The following KIAA1217 variants were observed in gnomAD, a reference collection of about 807,000 sequenced individuals.
KIAA1217 encodes sickle tail protein homolog.
A neutral mutation model predicts 163.9 loss-of-function variants in KIAA1217; 88 were observed. That is an observed-to-expected ratio of 0.54 (90% CI 0.45 to 0.64). The LOEUF (loss-of-function observed/expected upper bound fraction) is 0.64. Among genes scored for constraint, KIAA1217 ranks in the 30% least tolerant of loss-of-function variants. KIAA1217 has a pLI of 0.00. For missense variants in KIAA1217, 2,372 were observed against 2,475.0 expected (o/e 0.96, Z 0.88); for synonymous variants, 903 against 923.1 (o/e 0.98, Z 0.39).
At chr10:24,532,901 A>G (rs2073339201) in intron 15 of KIAA1217, among the ~76,000 whole-genome samples, 169 bp from the exon 16 acceptor site, 1 of 152,220 alleles carries the variant, frequency 6.6e-6, no homozygotes, top group Non-Finnish European at 1.5e-5. Context: ...AACTTATGCA[A>G]ACACAAATAC....
At chr10:24,110,759 A>G (rs1301991980) in intron 2 of KIAA1217, among the ~76,000 whole-genome samples, 1 of 152,270 alleles carries the variant, frequency 6.6e-6, no homozygotes, top group Non-Finnish European at 1.5e-5. Flanking sequence ...AGTGCTCATT[A>G]TGCCAGTAAA....
At chr10:23,792,754 G>A (rs1005290356) in intron 1 of KIAA1217, among the ~76,000 whole-genome samples, 2 of 151,468 alleles carry the variant, frequency 1.3e-5, no homozygotes, top group South Asian at 2.1e-4. Context: ...CACCTGTCTC[G>A]GCCTCCCAAA....
chr10:23,917,426 C>T (rs1344220455), intron 1 of KIAA1217, among the ~76,000 whole-genome samples: 4 of 152,118 alleles, frequency 2.6e-5, no homozygotes, highest in East Asian at 3.9e-4. Flanking sequence ...TCTGTGAATA[C>T]TTGGCAGCAA....
chr10:24,523,804 G>A (rs568446636), intron 12 of KIAA1217, among the ~76,000 whole-genome samples: 1 of 152,278 alleles, frequency 6.6e-6, no homozygotes, highest in East Asian at 1.9e-4. Context: ...GGGACATATA[G>A]CTTCAAATGA....
chr10:24,473,340 C>T lies in KIAA1217; in HGVS notation c.959C>T (p.Pro320Leu). Residue 320 changes from proline to leucine, a missense_variant, in exon 6 of 21, where the codon CCC (proline) becomes CTC (leucine). Transcript: ENST00000376454. Reference protein sequence around the residue: ...IPNSPPSTPVPHSMPPSPSRI... With the variant: ...IPNSPPSTPVLHSMPPSPSRI... ...AATTCCCCACCGTCTACTCCAGTGC[C>T]CCATTCCATGCCCCCCTCCCCGTCC... The T allele has an allele frequency of 6.3e-7, 1 of 1,595,762 alleles. No individual in the cohort carries two copies. The highest frequency in any genetic ancestry group is 8.5e-7 in the Non-Finnish European group (1 of 1,170,730).
chr10:24,534,773 C>T (rs1008791372), intron 16 of KIAA1217, among the ~76,000 whole-genome samples: 4 of 150,118 alleles, frequency 2.7e-5, no homozygotes, highest in African/African-American at 4.9e-5. Flanking sequence ...CCCAGCTACT[C>T]GGGAGGCTGA....
intron 1 of KIAA1217, among the ~76,000 whole-genome samples, chr10:23,978,964 C>T (rs1480474710): frequency 6.6e-6 from 1 of 152,030 alleles, no homozygotes; most frequent in Non-Finnish European, 1.5e-5. Context: ...ATTATTCCTA[C>T]TTGCATGTCA....
At chr10:24,268,392 G>A (rs2076438831) in intron 2 of KIAA1217, among the ~76,000 whole-genome samples, 1 of 151,836 alleles carries the variant, frequency 6.6e-6, no homozygotes, top group South Asian at 2.1e-4. Context: ...TCAAAAAGTG[G>A]GCAAAGGACA....
At chr10:24,062,759 T>C (rs1414860202) in intron 2 of KIAA1217, among the ~76,000 whole-genome samples, 1 of 152,036 alleles carries the variant, frequency 6.6e-6, no homozygotes, top group African/African-American at 2.4e-5. Context: ...CCACCAACAA[T>C]GTAAAAGTGT....
intron 2 of KIAA1217, among the ~76,000 whole-genome samples, chr10:24,358,059 G>T (rs552417937): frequency 6.6e-6 from 1 of 152,364 alleles, no homozygotes; most frequent in Admixed American, 6.5e-5. Flanking sequence ...AGACTCCCAA[G>T]AACCAATGCC....
chr10:24,364,055 C>T (rs220337), intron 2 of KIAA1217, among the ~76,000 whole-genome samples: 48,604 of 151,046 alleles, frequency 0.32, 7,984 homozygotes, highest in South Asian at 0.44. Flanking sequence ...CTTGGCTCGC[C>T]GCAACCTCCG....
At chr10:24,353,291 G>A (rs1350448711) in intron 2 of KIAA1217, among the ~76,000 whole-genome samples, 1 of 152,024 alleles carries the variant, frequency 6.6e-6, no homozygotes, top group African/African-American at 2.4e-5. Flanking sequence ...ACTATATTTT[G>A]TTTGTTACAA....
At chr10:24,292,794 G>T (rs2079219018) in intron 2 of KIAA1217, among the ~76,000 whole-genome samples, 1 of 152,096 alleles carries the variant, frequency 6.6e-6, no homozygotes, top group East Asian at 1.9e-4. Context: ...TGAGTGAGAG[G>T]CACTGCAAAG....
In KIAA1217 at chr10:23,887,661, A is replaced by G. The variant is rs12255893; in HGVS notation, c.-320-119564A>G. 8.4e-3 allele frequency among the ~76,000 whole-genome samples: 1,279 copies of G among 151,992 alleles called. 23 individuals are homozygous for G. Among genetic ancestry groups the G allele is most frequent in the African/African-American group, 0.03 (1,228 of 41,520 alleles). On this transcript the variant is annotated intron_variant, in intron 1 of 18. Coordinates refer to the KIAA1217 transcript ENST00000376462. ...AAATCTAACTTGTTGGGCTTTCGTG[A>G]CAATCCAGATGTGATTACCCTTTGA... is the stretch of plus-strand genomic sequence containing the variant.
Position 24,495,196 on chromosome 10 carries a change from GGTAA to G in KIAA1217, c.1834+7_1834+10del. The G allele has an allele frequency of 3.7e-6, 6 of 1,611,836 alleles. No individual in the cohort carries two copies. Among genetic ancestry groups the G allele is most frequent in the Non-Finnish European group, 5.1e-6 (6 of 1,179,194 alleles). On this transcript the variant is annotated splice_donor_variant and splice_donor_region_variant and intron_variant, in intron 8 of 20. Transcript: ENST00000376454. LOFTEE classifies it high-confidence loss of function. Reference sequence around the variant, plus strand: ...CAACAGGAACCACACAGATAGTGCAGGTAAGTAAGTGTTTTTGGAGCTGTAGGAG... The same window carrying G: ...CAACAGGAACCACACAGATAGTGCAGGTAAGTGTTTTTGGAGCTGTAGGAG...
At chr10:24,115,116 C>T (rs940223003) in intron 2 of KIAA1217, among the ~76,000 whole-genome samples, 4 of 152,182 alleles carry the variant, frequency 2.6e-5, no homozygotes, top group Admixed American at 1.3e-4. Context: ...CTGAAGTTAG[C>T]CTGTGTATAC....
chr10:24,233,649 A>G (rs2071763445), intron 2 of KIAA1217, among the ~76,000 whole-genome samples: 1 of 152,208 alleles, frequency 6.6e-6, no homozygotes, highest in South Asian at 2.1e-4. Flanking sequence ...TAAAATTCTT[A>G]CTTTTAAATT....
At chr10:23,913,174 C>T (rs905427615) in intron 1 of KIAA1217, among the ~76,000 whole-genome samples, 2 of 152,190 alleles carry the variant, frequency 1.3e-5, no homozygotes, top group African/African-American at 4.8e-5. Flanking sequence ...GGAGACCTTG[C>T]TTTGACTGAG....
In KIAA1217 at chr10:23,931,549, T is replaced by C. The variant is rs563861009; in HGVS notation, c.-320-75676T>C. Among the ~76,000 whole-genome samples, 5 of 152,298 alleles carry C rather than the reference T, an allele frequency of 3.3e-5. No homozygotes were observed. The South Asian group carries it at 1.0e-3, about 32-fold the overall frequency. Reference sequence around the variant, plus strand: ...TCCTTGAAATAGGAATTATGTCTAATAATCTTCCTGCACCCTCCCAATGCC... The same window carrying C: ...TCCTTGAAATAGGAATTATGTCTAACAATCTTCCTGCACCCTCCCAATGCC... On this transcript the variant is annotated intron_variant, in intron 1 of 18. Coordinates refer to the KIAA1217 transcript ENST00000376462.
Sources: allele counts gnomAD v4.1 joint callset (sites outside exome capture counted in the v4.1 genomes callset), GRCh38; gene constraint gnomAD v4.1.1; transcripts MANE v1.5; gene names NCBI Gene and HGNC (gene_info 2026-07-23, HGNC 2026-07-21).